The following CTNND2 variants were observed in gnomAD, a reference collection of about 807,000 sequenced individuals.
CTNND2 encodes catenin delta 2.
CTNND2 carries 22 observed loss-of-function variants against 144.4 expected under a neutral mutation model. The observed-to-expected ratio is 0.15, with a 90% CI of 0.11 to 0.22. The LOEUF (loss-of-function observed/expected upper bound fraction) is 0.22, where lower values mean the gene tolerates loss of function less well. Ranked by LOEUF, CTNND2 falls within the 10% of genes least tolerant of loss-of-function variation. The pLI, the probability that CTNND2 is intolerant of heterozygous loss-of-function variation, is 1.00. For synonymous variants in CTNND2, 751 were observed against 695.6 expected (o/e 1.08, Z -1.25); for missense variants, 1,353 against 1,618.8 (o/e 0.84, Z 2.82).
At chr5:11,061,960 C>T (rs1305033470) in intron 16 of CTNND2, among the ~76,000 whole-genome samples, 2 of 152,148 alleles carry the variant, frequency 1.3e-5, no homozygotes, top group African/African-American at 4.8e-5. Flanking sequence ...CTGTCTGCCT[C>T]GGCCTCCCAA....
chr5:11,431,403 G>A (rs1344111559), intron 3 of CTNND2, among the ~76,000 whole-genome samples: 1 of 152,192 alleles, frequency 6.6e-6, no homozygotes, highest in Non-Finnish European at 1.5e-5. Context: ...AAAAAGGGAT[G>A]TCCATTTTTC....
Position 11,030,696 on chromosome 5 carries a change from G to A in CTNND2, c.2789-7717C>T, listed in dbSNP as rs182462331. Among the ~76,000 whole-genome samples, 159 of 129,170 alleles carry A rather than the reference G, an allele frequency of 1.2e-3. 1 individual carries two copies. Among genetic ancestry groups the A allele is most frequent in the African/African-American group, 4.6e-3 (153 of 33,618 alleles). 84.7% of individuals were successfully genotyped at this position (129,170 alleles called of 152,430 possible). The stretch of plus-strand genomic sequence containing the variant: ...TTCTTTGAACATCTTTAAAACAGTT[G>A]TTTTAAAGTCTTTGTCTAGTAGATC... On this transcript the variant is annotated intron_variant, in intron 16 of 21. Coordinates refer to ENST00000304623, the MANE Select transcript of CTNND2 (RefSeq NM_001332.4).
At chr5:11,068,531 C>A (rs1747862560) in intron 16 of CTNND2, among the ~76,000 whole-genome samples, 1 of 145,020 alleles carries the variant, frequency 6.9e-6, no homozygotes, top group Non-Finnish European at 1.6e-5. Context: ...ATTTAAATTA[C>A]TTAGGAAATC....
chr5:11,076,222 A>G (rs1580213759), intron 16 of CTNND2, among the ~76,000 whole-genome samples: 4 of 152,234 alleles, frequency 2.6e-5, no homozygotes, highest in African/African-American at 9.6e-5. Flanking sequence ...CTCTGGGTGC[A>G]GGGAGTAGCC....
At chr5:11,597,376 T>G (rs1484128471) in intron 2 of CTNND2, among the ~76,000 whole-genome samples, 1 of 152,158 alleles carries the variant, frequency 6.6e-6, no homozygotes, top group Non-Finnish European at 1.5e-5. Flanking sequence ...TTTGCTCCCT[T>G]TATTACCCAG....
chr5:11,214,486 G>A (rs182777829), intron 10 of CTNND2, among the ~76,000 whole-genome samples: 94 of 152,330 alleles, frequency 6.2e-4, no homozygotes, highest in Non-Finnish European at 1.1e-3. Context: ...GGTAGATGCT[G>A]AGGACTAATA....
chr5:11,295,726 A>G (rs1187427917), intron 9 of CTNND2, among the ~76,000 whole-genome samples: 1 of 152,252 alleles, frequency 6.6e-6, no homozygotes, highest in Non-Finnish European at 1.5e-5. Flanking sequence ...AAAACAAGAA[A>G]TGGGGAAAGG....
At chr5:11,321,107 G>A (rs768241846) in intron 9 of CTNND2, among the ~76,000 whole-genome samples, 10 of 152,042 alleles carry the variant, frequency 6.6e-5, no homozygotes, top group South Asian at 6.2e-4. Flanking sequence ...TCTACTGTTC[G>A]TAACATAAAA....
At chr5:11,496,164 C>T (rs1280379623) in intron 3 of CTNND2, among the ~76,000 whole-genome samples, 2 of 152,158 alleles carry the variant, frequency 1.3e-5, no homozygotes, top group Non-Finnish European at 2.9e-5. Context: ...GAATACTCTG[C>T]CAAGGGTATT....
At chr5:11,007,261 G>A (rs1440555417) in intron 18 of CTNND2, among the ~76,000 whole-genome samples, 1 of 152,198 alleles carries the variant, frequency 6.6e-6, no homozygotes, top group Middle Eastern at 3.2e-3. Context: ...AGAAAATGGG[G>A]GTACTATCGC....
At chr5:11,581,152 T>C (rs950979839) in intron 2 of CTNND2, among the ~76,000 whole-genome samples, 2 of 152,230 alleles carry the variant, frequency 1.3e-5, no homozygotes, top group Non-Finnish European at 2.9e-5. Flanking sequence ...TATAAATTTT[T>C]TTTTTCTGAA....
At chr5:11,321,908 C>A (rs555130608) in intron 9 of CTNND2, among the ~76,000 whole-genome samples, 1 of 152,216 alleles carries the variant, frequency 6.6e-6, no homozygotes, top group East Asian at 1.9e-4. Context: ...CTCCTTATGG[C>A]CATGATTCCA....
intron 3 of CTNND2, among the ~76,000 whole-genome samples, chr5:11,443,193 GTGTGTGTGGTGTGTA>G (rs1764435155): frequency 6.7e-6 from 1 of 149,042 alleles, no homozygotes; most frequent in Non-Finnish European, 1.5e-5. Flanking sequence ...TGTGGTGTGT[GTGTGTGTGGTGTGTA>G]TGTGTGTGTG....
At chr5:11,707,047 C>T (rs1006968010) in intron 2 of CTNND2, among the ~76,000 whole-genome samples, 1 of 150,398 alleles carries the variant, frequency 6.6e-6, no homozygotes, top group African/African-American at 2.5e-5. Flanking sequence ...GATCACGCCA[C>T]TGCACTCCAG....
intron 5 of CTNND2, among the ~76,000 whole-genome samples, chr5:11,407,085 C>G (rs530475090): frequency 1.3e-5 from 2 of 152,086 alleles, no homozygotes. Flanking sequence ...GATATAATCA[C>G]CTTTATTTCT....
chr5:11,843,974 T>G (rs2126988886), intron 1 of CTNND2, among the ~76,000 whole-genome samples: 1 of 152,310 alleles, frequency 6.6e-6, no homozygotes, highest in South Asian at 2.1e-4. Context: ...TTTCAAACAC[T>G]GCTGTCTTTA....
intron 10 of CTNND2, among the ~76,000 whole-genome samples, chr5:11,219,308 T>C (rs1256460873): frequency 6.6e-6 from 1 of 152,252 alleles, no homozygotes; most frequent in Non-Finnish European, 1.5e-5. Context: ...TCACCATGTT[T>C]CCTCCCTTCC....
chr5:11,194,586 C>G (rs1736667878), intron 11 of CTNND2, among the ~76,000 whole-genome samples: 1 of 152,120 alleles, frequency 6.6e-6, no homozygotes, highest in Admixed American at 6.5e-5. Flanking sequence ...GCTTCACCGA[C>G]ATGCAGAGAG....
chr5:11,771,546 T>A (rs529838277), intron 1 of CTNND2, among the ~76,000 whole-genome samples: 25 of 152,316 alleles, frequency 1.6e-4, no homozygotes, highest in Admixed American at 7.8e-4. Context: ...ATGAGAGATA[T>A]ATTTTTTCAC....
Sources: gnomAD v4.1 joint callset for allele counts (sites outside exome capture counted in the v4.1 genomes callset) on GRCh38, gnomAD v4.1.1 for gene constraint, MANE v1.5 for transcripts, NCBI Gene and HGNC (gene_info 2026-07-23, HGNC 2026-07-21) for gene names.